Variants in SNED1 observed in about 807,000 individuals in gnomAD.
SNED1 encodes the protein sushi, nidogen and EGF-like domain-containing protein 1.
SNED1 carries 81 observed loss-of-function variants against 166.7 expected under a neutral mutation model. That is an observed-to-expected ratio of 0.49 (90% CI 0.41 to 0.58). The LOEUF is 0.58. Among genes scored for constraint, SNED1 ranks in the 20% least tolerant of loss-of-function variants. SNED1 has a pLI of 0.00. For missense variants in SNED1, 1,604 were observed against 2,000.2 expected, an observed-to-expected ratio of 0.80 and a Z score of 3.78; for synonymous variants, 762 against 822.0, an observed-to-expected ratio of 0.93 and a Z score of 1.25.
At chr2:241,004,057 G>C (rs1292352551) in intron 1 of SNED1, among the ~76,000 whole-genome samples, 1 of 152,248 alleles carries the variant, frequency 6.6e-6, no homozygotes, top group Non-Finnish European at 1.5e-5. Context: ...TGGAGGGGAA[G>C]ATCCTGGAGT....
In SNED1 at chr2:241,094,479, T is replaced by C. The variant is rs1247189063; in HGVS notation, c.*2843T>C. On this transcript the variant is annotated 3_prime_UTR_variant, in exon 32 of 32. Transcript: ENST00000310397. The surrounding 1 kb of genome is among the most constrained non-coding windows in gnomAD (Gnocchi z 4.3). ...AGATTTCAGTGCTGAATCCCCACAA[T>C]TGCATGCAGCTCACACCTACCAGGG... is the stretch of plus-strand genomic sequence containing the variant. 8.6e-6 allele frequency: 4 copies of C among 462,478 alleles called. No individual in the cohort carries two copies. Among genetic ancestry groups the C allele is most frequent in the South Asian group, 3.2e-5 (2 of 63,072 alleles). 28.6% of individuals were successfully genotyped at this position (462,478 alleles called of 1,614,324 possible).
intron 28 of SNED1, 138 bp from the exon 29 acceptor site, chr2:241,082,139 G>C: frequency 3.1e-6 from 2 of 644,180 alleles, no homozygotes; most frequent in Non-Finnish European, 5.5e-6. Context: ...GCAGACCCCC[G>C]GGCCCTCTCC....
intron 1 of SNED1, among the ~76,000 whole-genome samples, chr2:241,016,646 C>T (rs1477456192): frequency 6.6e-6 from 1 of 152,118 alleles, no homozygotes; most frequent in African/African-American, 2.4e-5. Context: ...ATGGTAGCCT[C>T]ATAAAATGGA....
intron 18 of SNED1, 143 bp from the exon 19 acceptor site, chr2:241,063,869 G>A: frequency 1.3e-6 from 1 of 762,610 alleles, no homozygotes. Flanking sequence ...TGCTGGGGAG[G>A]GCTGAGGGGC....
intron 16 of SNED1, among the ~76,000 whole-genome samples, chr2:241,056,891 A>G (rs2062064338): frequency 6.6e-6 from 1 of 152,138 alleles, no homozygotes; most frequent in Non-Finnish European, 1.5e-5. Flanking sequence ...AAATAAGTGA[A>G]TGTTTTAAAA....
Position 241,030,450 on chromosome 2 carries a change from T to C in SNED1, c.380T>C (p.Leu127Pro), listed in dbSNP as rs757004531. The change falls in exon 2 of 32, where the codon CTG becomes CCG. Residue 127 changes from leucine to proline, a missense_variant. Physicochemically the swap from Leu to Pro is moderately conservative, Grantham distance 98. Coordinates refer to ENST00000310397, the MANE Select transcript of SNED1 (RefSeq NM_001080437.3). ...CGGGAGGCCACCGACCCAGCCATGCTGCGCCGAGCCACGGAGGACGTCAGG... is the reference window on the plus strand; with the variant it reads ...CGGGAGGCCACCGACCCAGCCATGCCGCGCCGAGCCACGGAGGACGTCAGG... ...YYREATDPAM[L>P]RRATEDVRHY... 6.2e-7 allele frequency: 1 copy of C among 1,613,794 alleles called. No individual in the cohort carries two copies. The highest frequency in any genetic ancestry group is 8.5e-7 in the Non-Finnish European group (1 of 1,179,854).
intron 1 of SNED1, among the ~76,000 whole-genome samples, chr2:241,028,027 C>T (rs570248665): frequency 5.9e-5 from 9 of 152,250 alleles, no homozygotes; most frequent in South Asian, 2.1e-4. Context: ...GCCACCGCGC[C>T]GGGCCAGGTT....
At chr2:241,067,357 C>T (rs992265679) in intron 21 of SNED1, among the ~76,000 whole-genome samples, 3 of 152,194 alleles carry the variant, frequency 2.0e-5, no homozygotes, top group Admixed American at 6.5e-5. Flanking sequence ...CCTAAGACAG[C>T]GTTGCCCAGA....
Position 241,071,894 on chromosome 2 carries a change from TC to T in SNED1, c.3817+20del. On this transcript the variant is annotated intron_variant, in intron 26 of 31. Coordinates refer to ENST00000310397, the MANE Select transcript of SNED1 (RefSeq NM_001080437.3). Reference sequence around the variant, plus strand: ...GTGAGATCACGTGAGTGCCAGGGCCTCCCCACCCACCTTGGTGGCCCACCCT... The same window carrying T: ...GTGAGATCACGTGAGTGCCAGGGCCTCCCACCCACCTTGGTGGCCCACCCT... 6.3e-7 allele frequency: 1 copy of T among 1,584,664 alleles called. No individual in the cohort carries two copies. Among genetic ancestry groups the T allele is most frequent in the Non-Finnish European group, 8.6e-7 (1 of 1,165,188 alleles).
At chr2:241,088,630 G>T in intron 31 of SNED1, 1 of 553,822 alleles carries the variant, frequency 1.8e-6, no homozygotes, top group South Asian at 2.4e-5. Flanking sequence ...CCTTCAGGTG[G>T]AAATGAGGCT....
In SNED1 at chr2:241,030,408, C is replaced by G. The variant is rs375938996; in HGVS notation, c.338C>G (p.Ala113Gly). The part of the protein sequence containing the change: ...AFWADVDNRR[A>G]GDVYYREATD... ...TGGGCAGATGTGGACAACCGGCGTG[C>G]AGGCGACGTGTACTACCGGGAGGCC... Residue 113 changes from alanine to glycine, a missense_variant, in exon 2 of 32, where the codon GCA (alanine) becomes GGA (glycine). Transcript: ENST00000310397. 4.5e-5 allele frequency: 73 copies of G among 1,613,040 alleles called. No individual in the cohort carries two copies. The highest frequency in any genetic ancestry group is 3.3e-4 in the Middle Eastern group (2 of 6,082).
At chr2:241,039,298 G>A (rs2125037610) in intron 6 of SNED1, among the ~76,000 whole-genome samples, 1 of 152,278 alleles carries the variant, frequency 6.6e-6, no homozygotes, top group East Asian at 1.9e-4. Context: ...GAGTAGTCAG[G>A]CCCTCCTGTC....
chr2:241,072,922 T>A, intron 26 of SNED1: 1 of 319,708 alleles, frequency 3.1e-6, no homozygotes, highest in Non-Finnish European at 5.8e-6. Flanking sequence ...GAAGCAGGGG[T>A]GGAAGGAGAG....
At chr2:241,011,360 G>A (rs555860476) in intron 1 of SNED1, among the ~76,000 whole-genome samples, 8 of 151,938 alleles carry the variant, frequency 5.3e-5, no homozygotes, top group Admixed American at 3.9e-4. Flanking sequence ...TCCCAGTGGC[G>A]CTGGGCAGGA....
intron 27 of SNED1, among the ~76,000 whole-genome samples, chr2:241,079,113 CAAA>C (rs1274280801): frequency 8.3e-5 from 6 of 72,542 alleles, no homozygotes; most frequent in Admixed American, 1.7e-4. Context: ...GACTCCATCT[CAAA>C]AAAAAAAAAA....
chr2:241,047,899 G>GCT, intron 8 of SNED1, among the ~76,000 whole-genome samples: 1 of 151,730 alleles, frequency 6.6e-6, no homozygotes, highest in African/African-American at 2.4e-5. Context: ...ATCCTGGGTG[G>GCT]TCTCTCCGGT....
At position 240,999,318 on chromosome 2, in the gene SNED1, C is replaced by G. The variant is rs116679197; in HGVS notation, c.213+268C>G. On this transcript the variant is annotated intron_variant, in intron 1 of 31. Coordinates refer to ENST00000310397, the MANE Select transcript of SNED1 (RefSeq NM_001080437.3). This position sits in a 1 kb window ranked among gnomAD's most constrained non-coding sequence, Gnocchi z 5.8. ...GCGCCCCGGCCCCTGCCAGACCTGC[C>G]GAGCGCGTCTTCCCGGCGCCTGATT... Among the ~76,000 whole-genome samples, 6,520 of 151,856 alleles carry G rather than the reference C, an allele frequency of 0.043. 481 individuals carry two copies. The highest frequency in any genetic ancestry group is 0.15 in the African/African-American group (6,163 of 41,504).
chr2:241,030,149 C>A (rs2061121535), intron 1 of SNED1, 135 bp from the exon 2 acceptor site: 2 of 819,722 alleles, frequency 2.4e-6, no homozygotes, highest in South Asian at 1.8e-5. Flanking sequence ...GGCTGTCAGG[C>A]CACCCTGGGG....
chr2:240,998,909 C>T lies in SNED1; in HGVS notation c.72C>T (p.Gly24=), dbSNP rs1574817069. ...GGCTTGGGGCGCGCGGGGTGCGCGGCGCGGTGGCCCTTGCCGACTTCTACC... is the reference window on the plus strand; with the variant it reads ...GGCTTGGGGCGCGCGGGGTGCGCGGTGCGGTGGCCCTTGCCGACTTCTACC... The part of the protein sequence containing the change: ...ALGLGARGVR[G]AVALADFYPF... The change falls in exon 1 of 32, where the codon GGC becomes GGT. Residue 24 remains glycine (G), a synonymous_variant. Coordinates refer to ENST00000310397, the MANE Select transcript of SNED1 (RefSeq NM_001080437.3). The T allele has an allele frequency of 1.6e-6, 2 of 1,237,740 alleles. No homozygotes were observed. Among genetic ancestry groups the T allele is most frequent in the South Asian group, 2.9e-5 (1 of 34,914 alleles). The allele number at this position is 1,237,740 out of a possible 1,614,324, so 76.7% of individuals were successfully genotyped here. A position where few individuals can be genotyped will look rare whatever the true frequency, so the allele number is the denominator to read the frequency against.
Sources: allele counts gnomAD v4.1 joint callset (sites outside exome capture counted in the v4.1 genomes callset), GRCh38; gene constraint gnomAD v4.1.1; non-coding constraint Gnocchi (gnomAD v3.1); transcripts MANE v1.5; gene names NCBI Gene and HGNC (gene_info 2026-07-23, HGNC 2026-07-21).